CEP152: variants seen among roughly 807,000 people sequenced by gnomAD.
CEP152 encodes centrosomal protein 152, also known as centrosomal protein of 152 kDa.
In CEP152, 132 loss-of-function variants were observed where a neutral mutation model predicts 188.9. The ratio of observed to expected loss-of-function variants is 0.70; its 90% CI spans 0.61 to 0.81. CEP152 has a LOEUF of 0.81. Ranked by LOEUF, CEP152 falls within the 30% of genes least tolerant of loss-of-function variation. The pLI, the probability that CEP152 is intolerant of heterozygous loss-of-function variation, is 0.00. For missense variants in CEP152, 1,914 were observed against 1,969.8 expected (o/e 0.97, Z 0.54); for synonymous variants, 649 against 666.6 (o/e 0.97, Z 0.41).
chr15:48,793,498 C>A (rs997240590), intron 6 of CEP152, 37 bp from the exon 7 acceptor site: 1 of 1,573,236 alleles, frequency 6.4e-7, no homozygotes, highest in African/African-American at 1.4e-5. Flanking sequence ...TAAAAACATA[C>A]CAAAATATAA....
At chr15:48,739,575 G>A (rs1263020744) in intron 26 of CEP152, among the ~76,000 whole-genome samples, 2 of 152,062 alleles carry the variant, frequency 1.3e-5, no homozygotes, top group African/African-American at 4.8e-5. Flanking sequence ...ATCATTTTCT[G>A]CAATAGATGT....
downstream of CEP152, among the ~76,000 whole-genome samples, chr15:48,734,029 T>C (rs190941943): frequency 1.6e-3 from 246 of 152,110 alleles, 2 homozygotes; most frequent in African/African-American, 5.6e-3. Flanking sequence ...TGAAAGGAAA[T>C]GACAACAGAC....
chr15:48,746,159 A>T (rs74012135), intron 22 of CEP152, among the ~76,000 whole-genome samples: 2,381 of 152,310 alleles, frequency 0.016, 67 homozygotes, highest in African/African-American at 0.054. Context: ...AACCTACTAA[A>T]GTTATATTAA....
At chr15:48,742,785 C>G (rs1893085378) in intron 24 of CEP152, among the ~76,000 whole-genome samples, 1 of 151,528 alleles carries the variant, frequency 6.6e-6, no homozygotes, top group Non-Finnish European at 1.5e-5. Context: ...TTGATTAGGA[C>G]TACTATTAGC....
chr15:48,760,213 C>T lies in CEP152; in HGVS notation c.2616G>A (p.Glu872=), dbSNP rs373125420. The T allele has an allele frequency of 6.2e-7, 1 of 1,613,974 alleles. No individual in the cohort carries two copies. The highest frequency in any genetic ancestry group is 1.3e-5 in the African/African-American group (1 of 74,912). Reference sequence around the variant, plus strand: ...TCACAAGTGCTTGATACTCTGCCAGCTCTGGTAGTTCTCCCAGCCATCGCT... The same window carrying T: ...TCACAAGTGCTTGATACTCTGCCAGTTCTGGTAGTTCTCCCAGCCATCGCT... ...AHQRWLGELP[E]LAEYQALVKA... The change falls in exon 19 of 27, where the codon GAG becomes GAA. Residue 872 remains glutamate, a synonymous_variant. Transcript: ENST00000380950.
At chr15:48,750,769 T>A (rs1893809620) in intron 21 of CEP152, among the ~76,000 whole-genome samples, 2 of 152,190 alleles carry the variant, frequency 1.3e-5, no homozygotes, top group African/African-American at 4.8e-5. Flanking sequence ...ACTATTTTTA[T>A]AATGTTAAAA....
At chr15:48,743,376 A>G (rs1893152610) in intron 24 of CEP152, among the ~76,000 whole-genome samples, 1 of 152,250 alleles carries the variant, frequency 6.6e-6, no homozygotes, top group Non-Finnish European at 1.5e-5. Context: ...ACATATATCC[A>G]TTCTATGCAT....
intron 12 of CEP152, among the ~76,000 whole-genome samples, chr15:48,775,548 A>T (rs779198303): frequency 1.3e-5 from 2 of 152,162 alleles, no homozygotes; most frequent in Non-Finnish European, 2.9e-5. Context: ...GAATTGTATA[A>T]TAAACAAATA....
intron 2 of CEP152, among the ~76,000 whole-genome samples, chr15:48,732,831 G>A (rs1892470159): frequency 6.6e-6 from 1 of 151,968 alleles, no homozygotes; most frequent in Non-Finnish European, 1.5e-5. Context: ...AGCCAAATGT[G>A]GCCAGGTCTG....
Position 48,764,047 on chromosome 15 carries a change from C to T in CEP152, c.2281-1375G>A, listed in dbSNP as rs150572632. 6.3e-3 allele frequency among the ~76,000 whole-genome samples: 958 copies of T among 152,296 alleles called. 10 individuals are homozygous for T. Among genetic ancestry groups the T allele is most frequent in the African/African-American group, 0.022 (923 of 41,558 alleles). ...GGTGGCTAAATTCCTAAAAATAAAA[C>T]TGGTGTGGTAACTGCTAATAGCTCA... On this transcript the variant is annotated intron_variant, in intron 17 of 26. Transcript: ENST00000380950.
At chr15:48,795,792 C>A (rs1348849399) in intron 6 of CEP152, among the ~76,000 whole-genome samples, 2 of 152,186 alleles carry the variant, frequency 1.3e-5, no homozygotes, top group Admixed American at 6.5e-5. Flanking sequence ...TACCCCTCAA[C>A]AGCCTATTAT....
chr15:48,742,735 C>A (rs1893079530), intron 24 of CEP152, among the ~76,000 whole-genome samples: 1 of 151,870 alleles, frequency 6.6e-6, no homozygotes, highest in African/African-American at 2.4e-5. Context: ...ATAAACATAG[C>A]CCACAGCTTT....
intron 12 of CEP152, among the ~76,000 whole-genome samples, chr15:48,777,294 G>A (rs1203665440): frequency 1.3e-5 from 2 of 151,944 alleles, no homozygotes; most frequent in South Asian, 2.1e-4. Context: ...AGGGAAAAAT[G>A]GGTGCAGCAT....
chr15:48,741,458 T>C, intron 26 of CEP152, 143 bp downstream of exon 26: 1 of 1,529,060 alleles, frequency 6.5e-7, no homozygotes. Flanking sequence ...TCTTTTTGCG[T>C]AAACTTCTAG....
chr15:48,787,163 GTTTT>G (rs747436177), intron 9 of CEP152, among the ~76,000 whole-genome samples: 6 of 101,522 alleles, frequency 5.9e-5, no homozygotes, highest in African/African-American at 1.1e-4. Flanking sequence ...TATAGCCTTC[GTTTT>G]TTTTTTTTTT....
chr15:48,756,632 G>A (rs1894296744), intron 19 of CEP152, 79 bp from the exon 20 acceptor site: 4 of 1,336,556 alleles, frequency 3.0e-6, no homozygotes, highest in African/African-American at 2.9e-5. Flanking sequence ...AACTATTTTG[G>A]TTAACCTCTG....
downstream of CEP152, among the ~76,000 whole-genome samples, chr15:48,733,616 C>G (rs1226008678): frequency 1.3e-5 from 2 of 151,900 alleles, no homozygotes; most frequent in Admixed American, 1.3e-4. Flanking sequence ...GAAATAGTGG[C>G]CAAAAAACTG....
intron 17 of CEP152, among the ~76,000 whole-genome samples, chr15:48,763,403 G>A (rs1050730718): frequency 2.0e-5 from 3 of 152,244 alleles, no homozygotes; most frequent in African/African-American, 4.8e-5. Context: ...GCCAGGTGCA[G>A]TGGCTCATGC....
chr15:48,778,159 A>G (rs958918191), intron 12 of CEP152, among the ~76,000 whole-genome samples: 2 of 152,248 alleles, frequency 1.3e-5, no homozygotes, highest in Non-Finnish European at 2.9e-5. Context: ...AATTCCATGA[A>G]TGTAAAATAG....
Sources: allele counts gnomAD v4.1 joint callset (sites outside exome capture counted in the v4.1 genomes callset), GRCh38; gene constraint gnomAD v4.1.1; transcripts MANE v1.5; gene names NCBI Gene and HGNC (gene_info 2026-07-23, HGNC 2026-07-21).